The following LGSN variants were observed in gnomAD, a reference collection of about 807,000 sequenced individuals.
The protein encoded by LGSN is lengsin.
Under a neutral mutation model 19.5 loss-of-function variants are expected in LGSN, and 21 were observed. The observed-to-expected ratio is 1.07, with a 90% CI of 0.76 to 1.55. The LOEUF (loss-of-function observed/expected upper bound fraction) is 1.55, where lower values mean the gene tolerates loss of function less well. Among genes scored for constraint, LGSN ranks in the 40% most tolerant of loss-of-function variants. The pLI, the probability that LGSN is intolerant of heterozygous loss-of-function variation, is 0.00. For missense variants in LGSN, 673 were observed against 608.5 expected, an observed-to-expected ratio of 1.11 and a Z score of -1.12; for synonymous variants, 257 against 215.6, an observed-to-expected ratio of 1.19 and a Z score of -1.68.
chr6:63,465,379 G>A, the LGSN span, among the ~76,000 whole-genome samples: 7 of 151,864 alleles, frequency 4.6e-5, no homozygotes, highest in Non-Finnish European at 1.0e-4. Flanking sequence ...ATGGAGTTTC[G>A]CCATGTTGAC....
chr6:63,534,598 T>A, the LGSN span, among the ~76,000 whole-genome samples: 4 of 152,066 alleles, frequency 2.6e-5, no homozygotes, highest in Non-Finnish European at 5.9e-5. Flanking sequence ...GAGAATTGCT[T>A]GAGCCCAAGA....
chr6:63,419,748 C>A, the LGSN span, among the ~76,000 whole-genome samples: 1 of 150,706 alleles, frequency 6.6e-6, no homozygotes, highest in Non-Finnish European at 1.5e-5. Flanking sequence ...ATTAGCCGGC[C>A]GTGTTGGTGG....
the LGSN span, among the ~76,000 whole-genome samples, chr6:63,444,814 C>T: frequency 1.3e-5 from 2 of 152,118 alleles, no homozygotes; most frequent in African/African-American, 4.8e-5. Context: ...TTAGATGGAG[C>T]CTTTTTTCCC....
At chr6:63,521,580 C>T in the LGSN span, among the ~76,000 whole-genome samples, 1 of 152,206 alleles carries the variant, frequency 6.6e-6, no homozygotes, top group Admixed American at 6.5e-5. Context: ...CAAAATTATG[C>T]ATTTCCTAAA....
chr6:63,529,107 GTA>G, the LGSN span, among the ~76,000 whole-genome samples: 7 of 143,730 alleles, frequency 4.9e-5, no homozygotes, highest in Non-Finnish European at 7.5e-5. Context: ...ATATATGTGT[GTA>G]TATATATATA....
At chr6:63,501,903 C>A in the LGSN span, among the ~76,000 whole-genome samples, 1 of 152,238 alleles carries the variant, frequency 6.6e-6, no homozygotes, top group South Asian at 2.1e-4. Flanking sequence ...TTAAGCAATC[C>A]TCCCACCTCA....
chr6:63,412,569 AGGAAG>A, the LGSN span, among the ~76,000 whole-genome samples: 6 of 126,038 alleles, frequency 4.8e-5, no homozygotes, highest in South Asian at 2.5e-4. Flanking sequence ...AAAGAAAGAA[AGGAAG>A]GAAGGAAAGA....
chr6:63,532,648 A>C, the LGSN span, among the ~76,000 whole-genome samples: 1 of 152,212 alleles, frequency 6.6e-6, no homozygotes, highest in Non-Finnish European at 1.5e-5. Context: ...TTTCAACCGA[A>C]GAGCAAGTAT....
the LGSN span, among the ~76,000 whole-genome samples, chr6:63,464,631 T>C: frequency 6.6e-6 from 1 of 151,604 alleles, no homozygotes; most frequent in African/African-American, 2.4e-5. Flanking sequence ...ACATTTAATT[T>C]ATATAGGATG....
the LGSN span, among the ~76,000 whole-genome samples, chr6:63,449,765 G>T: frequency 6.6e-6 from 1 of 152,064 alleles, no homozygotes; most frequent in Non-Finnish European, 1.5e-5. Context: ...TAAAATAGTG[G>T]TTGGATCCTA....
chr6:63,320,618 C>A (rs1769048577), upstream of LGSN, among the ~76,000 whole-genome samples: 1 of 152,142 alleles, frequency 6.6e-6, no homozygotes, highest in Non-Finnish European at 1.5e-5. Flanking sequence ...CATAAACAAT[C>A]CTAACTCAGT....
intron 1 of LGSN, among the ~76,000 whole-genome samples, chr6:63,312,154 T>C (rs1768654977): frequency 6.6e-6 from 1 of 152,234 alleles, no homozygotes; most frequent in Non-Finnish European, 1.5e-5. Flanking sequence ...GGCTGAATAC[T>C]ATCCCATTGT....
chr6:63,315,461 C>G (rs938646378), intron 1 of LGSN, among the ~76,000 whole-genome samples: 1 of 152,084 alleles, frequency 6.6e-6, no homozygotes, highest in African/African-American at 2.4e-5. Context: ...TAGCTTTACT[C>G]TATAAATTTT....
chr6:63,489,277 T>C, the LGSN span, among the ~76,000 whole-genome samples: 1 of 152,254 alleles, frequency 6.6e-6, no homozygotes, highest in Non-Finnish European at 1.5e-5. Context: ...GCATTTATTA[T>C]ACAATTTAAA....
At chr6:63,453,755 A>T in the LGSN span, among the ~76,000 whole-genome samples, 58 of 151,792 alleles carry the variant, frequency 3.8e-4, no homozygotes, top group Admixed American at 1.6e-3. Flanking sequence ...CCGGGTTCAC[A>T]CCATTCTCCT....
At chr6:63,293,795 T>A (rs1176855314) in intron 2 of LGSN, 1 of 456,650 alleles carries the variant, frequency 2.2e-6, no homozygotes, top group Non-Finnish European at 4.4e-6. Flanking sequence ...CAGAGCCAGG[T>A]CCCATGATAG....
the LGSN span, chr6:63,441,678 C>T: frequency 2.1e-6 from 1 of 465,540 alleles, no homozygotes; most frequent in Non-Finnish European, 4.1e-6. Context: ...GAGTATGATG[C>T]CCTCAAAGCA....
the LGSN span, among the ~76,000 whole-genome samples, chr6:63,340,759 A>T: frequency 6.6e-6 from 1 of 150,916 alleles, no homozygotes; most frequent in Non-Finnish European, 1.5e-5. Flanking sequence ...GGCATTTCAT[A>T]GTTTTCCTTT....
chr6:63,536,119 G>A, the LGSN span, among the ~76,000 whole-genome samples: 2 of 151,916 alleles, frequency 1.3e-5, no homozygotes, highest in African/African-American at 2.4e-5. Flanking sequence ...ATCACCTGAG[G>A]CCAACAGTTC....
Sources: allele counts gnomAD v4.1 joint callset (sites outside exome capture counted in the v4.1 genomes callset), GRCh38; gene constraint gnomAD v4.1.1; transcripts MANE v1.5; gene names NCBI Gene and HGNC (gene_info 2026-07-23, HGNC 2026-07-21).